TSC22D3: variants seen among roughly 807,000 people sequenced by gnomAD.
TSC22D3 encodes TSC22 domain family protein 3.
TSC22D3 carries 4 observed loss-of-function variants against 11.1 expected under a neutral mutation model. That is an observed-to-expected ratio of 0.36 (90% CI 0.18 to 0.83). TSC22D3 has a LOEUF of 0.83. Ranked by LOEUF, TSC22D3 falls within the 40% of genes least tolerant of loss-of-function variation. The pLI, the probability that TSC22D3 is intolerant of heterozygous loss-of-function variation, is 0.48. For synonymous variants in TSC22D3, 77 were observed against 70.3 expected (o/e 1.10, Z -0.48); for missense variants, 118 against 159.4 (o/e 0.74, Z 1.40).
chrX:107,742,364 G>A (rs187869007), intron 1 of TSC22D3, among the ~76,000 whole-genome samples: 1 of 99,309 alleles, frequency 1.0e-5, no homozygotes, highest in South Asian at 5.1e-4. Flanking sequence ...GGGAGGGAGC[G>A]GGGGAGGGAG....
At chrX:107,735,108 C>T (rs1928070730) in intron 1 of TSC22D3, among the ~76,000 whole-genome samples, 1 of 110,798 alleles carries the variant, frequency 9.0e-6, no homozygotes, top group Admixed American at 9.5e-5. Flanking sequence ...AGTTTGGCCT[C>T]TCAAGGCCCT....
At chrX:107,768,299 C>A (rs1341385293) in intron 1 of TSC22D3, among the ~76,000 whole-genome samples, 1 of 112,050 alleles carries the variant, frequency 8.9e-6, no homozygotes, top group East Asian at 2.8e-4. Context: ...CCAGATACAT[C>A]CATCTCCATT....
chrX:107,763,564 C>A (rs1408154289), intron 1 of TSC22D3, among the ~76,000 whole-genome samples: 1 of 111,445 alleles, frequency 9.0e-6, no homozygotes, highest in African/African-American at 3.3e-5. Context: ...TATTTGCAGC[C>A]CAGAAAATTT....
intron 1 of TSC22D3, among the ~76,000 whole-genome samples, chrX:107,726,085 C>T (rs1432762375): frequency 1.8e-5 from 2 of 110,466 alleles, no homozygotes; most frequent in African/African-American, 6.6e-5. Context: ...CCTGTCCCCA[C>T]CCTGATCCAA....
intron 1 of TSC22D3, among the ~76,000 whole-genome samples, chrX:107,727,744 A>G (rs1201875933): frequency 8.9e-6 from 1 of 112,243 alleles, no homozygotes; most frequent in African/African-American, 3.2e-5. Context: ...CCTTCTGTCC[A>G]GTTTCAATGT....
chrX:107,726,549 C>T (rs908441499), intron 1 of TSC22D3, among the ~76,000 whole-genome samples: 9 of 112,914 alleles, frequency 8.0e-5, no homozygotes, highest in Non-Finnish European at 1.7e-4. Context: ...AGCCACCTTA[C>T]CAAGGACAGG....
At chrX:107,744,044 T>C (rs752657547) in intron 1 of TSC22D3, among the ~76,000 whole-genome samples, 4 of 112,427 alleles carry the variant, frequency 3.6e-5, no homozygotes, top group African/African-American at 1.3e-4. Context: ...CATTTAAGCC[T>C]ACTCCGTGGC....
chrX:107,716,414 T>C, intron 1 of TSC22D3: 1 of 962,473 alleles, frequency 1.0e-6, no homozygotes, highest in Non-Finnish European at 1.3e-6. Flanking sequence ...CCCAGCCCTG[T>C]CTGGTCCTGC....
At chrX:107,757,637 A>G (rs1307814933) in intron 1 of TSC22D3, among the ~76,000 whole-genome samples, 1 of 105,801 alleles carries the variant, frequency 9.5e-6, no homozygotes, top group African/African-American at 3.5e-5. Context: ...TCCTCCACAC[A>G]CTCTCCCCCT....
intron 1 of TSC22D3, among the ~76,000 whole-genome samples, chrX:107,774,529 C>A (rs1930047526): frequency 9.0e-6 from 1 of 111,389 alleles, no homozygotes; most frequent in South Asian, 3.8e-4. Context: ...GGAGGCGAAT[C>A]CCTCCCATCC....
chrX:107,749,395 A>G (rs1928835646), intron 1 of TSC22D3, among the ~76,000 whole-genome samples: 1 of 110,514 alleles, frequency 9.0e-6, no homozygotes, highest in South Asian at 3.9e-4. Context: ...AAGAAAAGAA[A>G]AGTAAAAGAC....
chrX:107,755,075 G>A, intron 1 of TSC22D3, among the ~76,000 whole-genome samples: 1 of 112,176 alleles, frequency 8.9e-6, no homozygotes. Context: ...GAAATCTCTG[G>A]TGGATAACTT....
At chrX:107,766,709 C>T (rs34216127) in intron 1 of TSC22D3, among the ~76,000 whole-genome samples, 9,058 of 110,612 alleles carry the variant, frequency 0.082, 390 homozygotes, top group Middle Eastern at 0.18. Context: ...AGTGTGGGAC[C>T]GGGTCAGGCT....
chrX:107,763,692 AC>A (rs1929543057), intron 1 of TSC22D3, among the ~76,000 whole-genome samples: 1 of 110,693 alleles, frequency 9.0e-6, no homozygotes, highest in South Asian at 3.8e-4. Context: ...AACCCAGACA[AC>A]CCCCCATTTC....
At chrX:107,716,851 G>A in intron 1 of TSC22D3, 1 of 1,203,195 alleles carries the variant, frequency 8.3e-7, no homozygotes, top group East Asian at 3.0e-5. Flanking sequence ...GTTTCGTGCG[G>A]GGCTGGGCGG....
intron 1 of TSC22D3, chrX:107,774,818 C>A: frequency 2.6e-6 from 1 of 381,920 alleles, no homozygotes; most frequent in Middle Eastern, 6.9e-4. Flanking sequence ...CGGGTACTTT[C>A]AGCTACCTCC....
chrX:107,774,937 C>T, intron 1 of TSC22D3, 163 bp downstream of exon 1: 3 of 559,043 alleles, frequency 5.4e-6, no homozygotes, highest in Non-Finnish European at 8.4e-6. Flanking sequence ...CCCTCAGCTC[C>T]GCGGTACTCC....
chrX:107,716,202 G>A (rs1927015813), intron 1 of TSC22D3: 7 of 777,463 alleles, frequency 9.0e-6, no homozygotes, highest in Non-Finnish European at 1.2e-5. Context: ...AGCTGCTTGC[G>A]AGTCCTGGGG....
At chrX:107,750,238 G>GTTT (rs540325217) in intron 1 of TSC22D3, among the ~76,000 whole-genome samples, 2 of 100,130 alleles carry the variant, frequency 2.0e-5, no homozygotes, top group Non-Finnish European at 2.0e-5. Flanking sequence ...TTCTCGCTTA[G>GTTT]TTTTTTTTTT....
Sources: gnomAD v4.1 joint callset for allele counts (sites outside exome capture counted in the v4.1 genomes callset) on GRCh38, gnomAD v4.1.1 for gene constraint, MANE v1.5 for transcripts, NCBI Gene and HGNC (gene_info 2026-07-23, HGNC 2026-07-21) for gene names.